Variants in SLC9A3 observed in about 807,000 individuals in gnomAD.
SLC9A3 encodes the protein sodium/hydrogen exchanger 3.
A neutral mutation model predicts 86.8 loss-of-function variants in SLC9A3; 37 were observed. The ratio of observed to expected loss-of-function variants is 0.43; its 90% CI spans 0.33 to 0.56. The LOEUF (loss-of-function observed/expected upper bound fraction) is 0.56, where lower values mean the gene tolerates loss of function less well. Ranked by LOEUF, SLC9A3 falls within the 20% of genes least tolerant of loss-of-function variation. The probability of loss-of-function intolerance (pLI) is 0.06; values close to 1 mark genes in which losing one functional copy is unlikely to be tolerated. For missense variants in SLC9A3, 1,011 were observed against 1,171.9 expected, an observed-to-expected ratio of 0.86 and a Z score of 2.00; for synonymous variants, 581 against 528.3, an observed-to-expected ratio of 1.10 and a Z score of -1.37.
chr5:473,553 G>A (rs920042237), intron 16 of SLC9A3, among the ~76,000 whole-genome samples, 171 bp from the exon 17 acceptor site: 11 of 152,102 alleles, frequency 7.2e-5, no homozygotes, highest in Non-Finnish European at 1.2e-4. Flanking sequence ...GGTTCGCGGG[G>A]CAGAGGCGGA....
Position 493,358 on chromosome 5 carries a change from G to A in SLC9A3, c.212-1287C>T, listed in dbSNP as rs116537112. 2.8e-3 allele frequency among the ~76,000 whole-genome samples: 419 copies of A among 152,324 alleles called. 1 individual carries two copies. Among genetic ancestry groups the A allele is most frequent in the African/African-American group, 9.1e-3 (379 of 41,596 alleles). On this transcript the variant is annotated intron_variant, in intron 1 of 16. Coordinates refer to ENST00000264938, the MANE Select transcript of SLC9A3 (RefSeq NM_004174.4). ...CGGGGAGGCTCCCTCCACACCACCC[G>A]CCCCCGAAGAATGTGTCAGCACAGC...
rs1358238025 is a variant in SLC9A3, at chr5:485,175, G to A, written c.732C>T (p.Gly244=). Residue 244 remains glycine (G), a synonymous_variant, in exon 4 of 17, where the codon GGC becomes GGT. Coordinates refer to ENST00000264938, the MANE Select transcript of SLC9A3 (RefSeq NM_004174.4). The stretch of plus-strand genomic sequence containing the variant: ...CACCTATGCCCTTCACGCAGTCCAC[G>A]CCAGTCACGTTGTCACCTCCCAGCG... The part of the protein sequence containing the change: ...FVALGGDNVT[G]VDCVKGIVSF... 7.4e-6 allele frequency: 12 copies of A among 1,613,588 alleles called. No homozygotes were observed. The highest frequency in any genetic ancestry group is 3.3e-5 in the South Asian group (3 of 91,088).
At chr5:519,364 T>C (rs991669499) in intron 1 of SLC9A3, among the ~76,000 whole-genome samples, 5 of 152,084 alleles carry the variant, frequency 3.3e-5, no homozygotes, top group African/African-American at 1.2e-4. Context: ...GGGTAGCAGA[T>C]ATGGTGAAGG....
intron 1 of SLC9A3, among the ~76,000 whole-genome samples, chr5:501,941 G>A (rs1178456054): frequency 2.6e-5 from 4 of 152,252 alleles, no homozygotes; most frequent in East Asian, 1.9e-4. Context: ...CTCTCCGAGC[G>A]AGGCCGGGCC....
intron 1 of SLC9A3, among the ~76,000 whole-genome samples, chr5:492,659 C>CG (rs142937148): frequency 0.12 from 17,175 of 149,326 alleles, 1,063 homozygotes; most frequent in Non-Finnish European, 0.13. Flanking sequence ...GGACGGTGGT[C>CG]GGGGGGGGGC....
Position 473,299 on chromosome 5 carries a change from T to C in SLC9A3, c.*80A>G. 1 of 1,335,724 alleles carries C rather than the reference T, an allele frequency of 7.5e-7. No homozygotes were observed. Among genetic ancestry groups the C allele is most frequent in the Non-Finnish European group, 9.6e-7 (1 of 1,038,506 alleles). 82.7% of individuals were successfully genotyped at this position (1,335,724 alleles called of 1,614,324 possible). On this transcript the variant is annotated 3_prime_UTR_variant, in exon 17 of 17. Transcript: ENST00000264938. ...TGTAGCCGCGCGGGGATCTGGGGTT[T>C]CTCTGGGACAGCGGCGGCGGCGGTG...
chr5:473,151 G>GCCCCCGGCGCAGGCCCCGC lies in SLC9A3; in HGVS notation c.*209_*227dup. Reference sequence around the variant, plus strand: ...CGGCAGCCCTCGGCGCTCCGGCCCCGCCCCCGGCGCAGGCCCCGCCCCCGG... The same window carrying GCCCCCGGCGCAGGCCCCGC: ...CGGCAGCCCTCGGCGCTCCGGCCCCGCCCCCGGCGCAGGCCCCGCCCCCCGGCGCAGGCCCCGCCCCCGG... On this transcript the variant is annotated 3_prime_UTR_variant, in exon 17 of 17. Transcript: ENST00000264938. The GCCCCCGGCGCAGGCCCCGC allele has an allele frequency of 2.8e-6, 1 of 357,028 alleles. No individual in the cohort carries two copies. Among genetic ancestry groups the GCCCCCGGCGCAGGCCCCGC allele is most frequent in the East Asian group, 5.3e-5 (1 of 18,846 alleles). 22.1% of individuals were successfully genotyped at this position (357,028 alleles called of 1,614,324 possible). A position where few individuals can be genotyped will look rare whatever the true frequency, so the allele number is the denominator to read the frequency against.
In SLC9A3 at chr5:488,343, C is replaced by T. The variant is rs1301648808; in HGVS notation, c.648G>A (p.Glu216=). ...CGGTGACTGCGTCGTTCAGCAGCGA[C>T]TCCCCGAAGACGATGATGAACAGGA... ...NEVLFIIVFG[E]SLLNDAVTVV... The change falls in exon 3 of 17, where the codon GAG becomes GAA. Residue 216 remains glutamate (E), a synonymous_variant. Transcript: ENST00000264938. 1.9e-6 allele frequency: 3 copies of T among 1,612,734 alleles called. No homozygotes were observed. Among genetic ancestry groups the T allele is most frequent in the South Asian group, 2.2e-5 (2 of 91,086 alleles).
At chr5:492,253 GACTCA>G (rs1739795863) in intron 1 of SLC9A3, among the ~76,000 whole-genome samples, 182 bp from the exon 2 acceptor site, 1 of 56,148 alleles carries the variant, frequency 1.8e-5, no homozygotes, top group African/African-American at 7.2e-5. Flanking sequence ...AAGGTGTGGG[GACTCA>G]CAGGGGAGGG....
intron 1 of SLC9A3, among the ~76,000 whole-genome samples, chr5:507,255 G>C (rs1255485367): frequency 6.0e-5 from 7 of 117,050 alleles, no homozygotes; most frequent in East Asian, 2.7e-4. Context: ...TGCAAGCTCC[G>C]CTCCCGGGTT....
rs578045941 is a variant in SLC9A3 at position 507,665 on chromosome 5, T to A, written c.212-15594A>T. On this transcript the variant is annotated intron_variant, in intron 1 of 16. Transcript: ENST00000264938. ...CCCCACCCCACAGTCGACACCCGAA[T>A]CCCCACAGACGCCCGAATCCCCACC... Among the ~76,000 whole-genome samples the A allele has an allele frequency of 5.4e-4, 30 of 55,436 alleles. 2 individuals are homozygous for A. In the South Asian group the frequency reaches 0.02, roughly 37 times the overall value. 36.4% of individuals were successfully genotyped at this position (55,436 alleles called of 152,430 possible).
In SLC9A3 at chr5:473,065, G is replaced by A. The variant is rs1738471594; in HGVS notation, c.*314C>T. On this transcript the variant is annotated 3_prime_UTR_variant, in exon 17 of 17. Transcript: ENST00000264938. Reference sequence around the variant, plus strand: ...AGCGCGGGGCGGCGGCGCGCGCGAGGCCGCTGGAACGAGCGCCGGCTGTGC... The same window carrying A: ...AGCGCGGGGCGGCGGCGCGCGCGAGACCGCTGGAACGAGCGCCGGCTGTGC... 1 of 300,358 alleles carries A rather than the reference G, an allele frequency of 3.3e-6. No homozygotes were observed. Among genetic ancestry groups the A allele is most frequent in the Non-Finnish European group, 6.1e-6 (1 of 165,120 alleles). 18.6% of individuals were successfully genotyped at this position (300,358 alleles called of 1,614,324 possible).
chr5:489,209 C>G (rs1579790125), intron 2 of SLC9A3, among the ~76,000 whole-genome samples: 1 of 152,348 alleles, frequency 6.6e-6, no homozygotes, highest in East Asian at 1.9e-4. Context: ...AGTCTGCCCT[C>G]TCTCACGGCC....
rs1428629588 is a variant in SLC9A3 at position 482,617 on chromosome 5, G to A, written c.1287C>T (p.Asp429=). 1.9e-6 allele frequency: 3 copies of A among 1,612,746 alleles called. No individual in the cohort carries two copies. The highest frequency in any genetic ancestry group is 1.1e-5 in the South Asian group (1 of 91,080). Residue 429 remains aspartate, a synonymous_variant, in exon 7 of 17, where the codon GAC becomes GAT. Coordinates refer to ENST00000264938, the MANE Select transcript of SLC9A3 (RefSeq NM_004174.4). ...CGAACAGGTTCTTCTCCTTGACCTTGTCTCCATCCAGAAGCACCACCAGGG... is the reference window on the plus strand; with the variant it reads ...CGAACAGGTTCTTCTCCTTGACCTTATCTCCATCCAGAAGCACCACCAGGG... ...AFALVVLLDG[D]KVKEKNLFVS...
In SLC9A3 at chr5:476,523, C is replaced by G. The variant is rs1357257869; in HGVS notation, c.1890+20G>C. On this transcript the variant is annotated intron_variant, in intron 12 of 16. Coordinates refer to ENST00000264938, the MANE Select transcript of SLC9A3 (RefSeq NM_004174.4). ...CGGGGTCCCTGCGGGGTCCTCCAGC[C>G]CCCAGCCCGCAGTGCCCACCTCCTG... 1.2e-6 allele frequency: 2 copies of G among 1,609,144 alleles called. No homozygotes were observed. Among genetic ancestry groups the G allele is most frequent in the Non-Finnish European group, 1.7e-6 (2 of 1,178,852 alleles).
At chr5:499,382 C>T (rs1366402465) in intron 1 of SLC9A3, among the ~76,000 whole-genome samples, 1 of 152,256 alleles carries the variant, frequency 6.6e-6, no homozygotes, top group Non-Finnish European at 1.5e-5. Context: ...CTGACCCGGG[C>T]AGTGCTGTCC....
chr5:501,991 A>G lies in SLC9A3; in HGVS notation c.212-9920T>C, dbSNP rs557011738. Among the ~76,000 whole-genome samples, 5 of 152,380 alleles carry G rather than the reference A, an allele frequency of 3.3e-5. No individual in the cohort carries two copies. In the East Asian group the frequency reaches 9.6e-4, roughly 29 times the overall value. On this transcript the variant is annotated intron_variant, in intron 1 of 16. Coordinates refer to ENST00000264938, the MANE Select transcript of SLC9A3 (RefSeq NM_004174.4). ...CTGCTTCCTGCCAGATGAAGTTCAC[A>G]CAGCTCCAAGAACAACAGCCCGTTC...
chr5:482,265 T>A, intron 7 of SLC9A3, 108 bp from the exon 8 acceptor site: 1 of 839,376 alleles, frequency 1.2e-6, no homozygotes. Flanking sequence ...ACAGGCGCCC[T>A]CCCTGCTCTC....
intron 1 of SLC9A3, among the ~76,000 whole-genome samples, chr5:507,163 C>CTTTTTTTTTTTTTTTTTT: frequency 5.8e-5 from 2 of 34,754 alleles, no homozygotes; most frequent in Admixed American, 4.1e-4. Flanking sequence ...CCGGCTGCTG[C>CTTTTTTTTTTTTTTTTTT]TTCTTTTTTT....
Sources: gnomAD v4.1 joint callset for allele counts (sites outside exome capture counted in the v4.1 genomes callset) on GRCh38, gnomAD v4.1.1 for gene constraint, MANE v1.5 for transcripts, NCBI Gene and HGNC (gene_info 2026-07-23, HGNC 2026-07-21) for gene names.